The following KDM3A variants were observed in gnomAD, a reference collection of about 807,000 sequenced individuals.
KDM3A encodes the protein lysine-specific demethylase 3A.
In KDM3A, 60 loss-of-function variants were observed where a neutral mutation model predicts 158.0. The observed-to-expected ratio is 0.38, with a 90% CI of 0.31 to 0.47. KDM3A has a LOEUF of 0.47. KDM3A is among the 20% of genes least tolerant of loss of function. KDM3A has a pLI of 0.99. For missense variants in KDM3A, 1,319 were observed against 1,574.3 expected (o/e 0.84, Z 2.74); for synonymous variants, 608 against 549.3 (o/e 1.11, Z -1.49).
At chr2:86,444,291 A>C (rs963427348) in intron 2 of KDM3A, among the ~76,000 whole-genome samples, 1 of 152,192 alleles carries the variant, frequency 6.6e-6, no homozygotes, top group Admixed American at 6.5e-5. Context: ...GCCTAACCTG[A>C]AGACAACTGG....
Position 86,482,113 on chromosome 2 carries a change from G to GT in KDM3A, c.2685+14dup, listed in dbSNP as rs746719382. The GT allele has an allele frequency of 6.2e-7, 1 of 1,612,362 alleles. No homozygotes were observed. Among genetic ancestry groups the GT allele is most frequent in the Non-Finnish European group, 8.5e-7 (1 of 1,178,594 alleles). On this transcript the variant is annotated intron_variant, in intron 17 of 25. Transcript: ENST00000312912. ...TCTTCTACAGGAAAGGTATGTGTTT[G>GT]TTTGTTGGTATTCCATGTTTTAAAG... is the stretch of plus-strand genomic sequence containing the variant.
intron 8 of KDM3A, among the ~76,000 whole-genome samples, chr2:86,458,346 G>A (rs538788794): frequency 6.6e-6 from 1 of 152,342 alleles, no homozygotes; most frequent in African/African-American, 2.4e-5. Context: ...GTCCTCCTTT[G>A]AAGGGTATAG....
In KDM3A at chr2:86,464,216, G is replaced by C. The variant is rs1177699155; in HGVS notation, c.1007G>C (p.Gly336Ala). Residue 336 changes from glycine (G) to alanine (A), a missense_variant and splice_region_variant, in exon 9 of 26, where the codon GGA becomes GCA. This residue lies in a region of KDM3A where 652 missense variants were observed against 627.2 expected (regional missense o/e 1.04). Coordinates refer to ENST00000312912, the MANE Select transcript of KDM3A (RefSeq NM_018433.6). ...AACCTTGGAGCAAAAATTCCTCAAG[G>C]GTGAGTAGTGATTTGTTAAAGATGT... ...PPNLGAKIPQ[G>A]CHKQSLPEEI... The C allele has an allele frequency of 6.3e-7, 1 of 1,575,124 alleles. No individual in the cohort carries two copies. Among genetic ancestry groups the C allele is most frequent in the East Asian group, 2.3e-5 (1 of 44,048 alleles).
chr2:86,480,006 T>C, intron 15 of KDM3A, 161 bp from the exon 16 acceptor site: 1 of 618,850 alleles, frequency 1.6e-6, no homozygotes, highest in East Asian at 2.7e-5. Context: ...TCTCTACTAG[T>C]GCGGGATTAC....
rs1673991845 is a variant in KDM3A, at chr2:86,482,620, C to T, written c.2848C>T (p.Arg950Cys). Residue 950 changes from arginine (R) to cysteine (C), a missense_variant, in exon 18 of 26, where the codon CGC (arginine) becomes TGC (cysteine). Transcript: ENST00000312912. ...TCCTCACTATTGGCTTTGTGATAAT[C>T]GCTTGCTGTGCTTGCAAGACCCCAA... is the stretch of plus-strand genomic sequence containing the variant. ...DTPHYWLCDN[R>C]LLCLQDPNNK... 1.9e-6 allele frequency: 3 copies of T among 1,614,054 alleles called. No homozygotes were observed. Among genetic ancestry groups the T allele is most frequent in the African/African-American group, 1.3e-5 (1 of 75,004 alleles).
intron 1 of KDM3A, 68 bp from the exon 2 acceptor site, chr2:86,441,950 C>T (rs1210260575): frequency 5.2e-6 from 7 of 1,349,262 alleles, no homozygotes; most frequent in Middle Eastern, 5.2e-4. Flanking sequence ...GCCCGCCCTC[C>T]CTGCTGTCTC....
chr2:86,450,086 C>A (rs774815740), intron 3 of KDM3A, 124 bp downstream of exon 3: 2 of 1,011,012 alleles, frequency 2.0e-6, no homozygotes, highest in Non-Finnish European at 2.9e-6. Context: ...CCTGCCAGCC[C>A]TTTTAAGAAC....
At chr2:86,438,408 A>C (rs1682526935), upstream of KDM3A, among the ~76,000 whole-genome samples, 1 of 152,100 alleles carries the variant, frequency 6.6e-6, no homozygotes, top group African/African-American at 2.4e-5. Context: ...AGGAGGAATA[A>C]GTTCAAATGA....
In KDM3A at chr2:86,451,208, A is replaced by G. The variant is rs895391110; in HGVS notation, c.448A>G (p.Ile150Val). The change falls in exon 4 of 26, where the codon ATA becomes GTA. Residue 150 changes from isoleucine (I) to valine (V), a missense_variant. Physicochemically the swap from Ile to Val is conservative, Grantham distance 29. Transcript: ENST00000312912. ...VFLSKDLLKP[I>V]QDVNSLRLSL... ...TCTTTCTAAAGACCTTTTGAAGCCT[A>G]TACAGGTAAAACATAGAAACAGTAG... is the stretch of plus-strand genomic sequence containing the variant. 15 of 1,578,152 alleles carry G rather than the reference A, an allele frequency of 9.5e-6. No homozygotes were observed. Among genetic ancestry groups the G allele is most frequent in the Admixed American group, 7.4e-5 (4 of 54,410 alleles).
At chr2:86,449,770 A>T in intron 2 of KDM3A, 37 bp from the exon 3 acceptor site, 1 of 1,567,246 alleles carries the variant, frequency 6.4e-7, no homozygotes. Flanking sequence ...TAATAAATTG[A>T]ATCTGCTTCC....
intron 2 of KDM3A, among the ~76,000 whole-genome samples, chr2:86,445,018 A>G (rs764350799): frequency 6.6e-6 from 1 of 152,226 alleles, no homozygotes; most frequent in African/African-American, 2.4e-5. Context: ...AATCCTCACA[A>G]ATATCCTAGA....
At chr2:86,469,768 T>A (rs1330562858) in intron 10 of KDM3A, among the ~76,000 whole-genome samples, 1 of 152,218 alleles carries the variant, frequency 6.6e-6, no homozygotes, top group African/African-American at 2.4e-5. Flanking sequence ...ATTGTACTTT[T>A]AAAAACACAC....
Position 86,461,034 on chromosome 2 carries a change from G to A in KDM3A, c.844-3019G>A, listed in dbSNP as rs530210709. Among the ~76,000 whole-genome samples, 930 of 151,972 alleles carry A rather than the reference G, an allele frequency of 6.1e-3. 6 individuals carry two copies. The highest frequency in any genetic ancestry group is 0.011 in the Non-Finnish European group (736 of 67,982). ...CGGTGACAGAATTGAGAAAATTTTC[G>A]CAATGTTTTTCTGCTTTAAGACAGC... On this transcript the variant is annotated intron_variant, in intron 8 of 25. Coordinates refer to ENST00000312912, the MANE Select transcript of KDM3A (RefSeq NM_018433.6).
At chr2:86,482,248 GT>G (rs1422270422) in intron 17 of KDM3A, 146 bp downstream of exon 17, 1 of 1,168,940 alleles carries the variant, frequency 8.6e-7, no homozygotes, top group Non-Finnish European at 1.2e-6. Flanking sequence ...TGGAGGATGG[GT>G]TTTATGGGAC....
In KDM3A at chr2:86,466,386, G is replaced by C; in HGVS notation, c.1022G>C (p.Ser341Thr). ...AKIPQGCHKQSLPEEISSCLN... is the reference protein window; with the variant it reads ...AKIPQGCHKQTLPEEISSCLN... ...ATATTTTTCAGATGTCATAAACAAAGTTTACCAGAGGAAATTTCTTCCTGT... is the reference window on the plus strand; with the variant it reads ...ATATTTTTCAGATGTCATAAACAAACTTTACCAGAGGAAATTTCTTCCTGT... Residue 341 changes from serine to threonine, a missense_variant, in exon 10 of 26, where the codon AGT (serine) becomes ACT (threonine). Around this residue, in one of 4 missense-constraint regions of KDM3A, gnomAD observed 652 missense variants for 627.2 expected, o/e 1.04. Transcript: ENST00000312912. 6.2e-7 allele frequency: 1 copy of C among 1,610,280 alleles called. No individual in the cohort carries two copies. The highest frequency in any genetic ancestry group is 1.1e-5 in the South Asian group (1 of 90,680).
chr2:86,484,038 C>G lies in KDM3A; in HGVS notation c.2974C>G (p.Pro992Ala). Residue 992 changes from proline (P) to alanine (A), a missense_variant, in exon 19 of 26, where the codon CCT becomes GCT. By Grantham distance (27) the Pro-to-Ala change is conservative. This residue lies in a region of KDM3A where 368 missense variants were observed against 415.8 expected (regional missense o/e 0.89). Coordinates refer to ENST00000312912, the MANE Select transcript of KDM3A (RefSeq NM_018433.6). ...TAAATTGAACTCTGAACTTTGGAAACCTGAATCCTTCAGGAAAGAGTTTGG... is the reference window on the plus strand; with the variant it reads ...TAAATTGAACTCTGAACTTTGGAAAGCTGAATCCTTCAGGAAAGAGTTTGG... ...HHKLNSELWK[P>A]ESFRKEFGEQ... 1 of 1,613,986 alleles carries G rather than the reference C, an allele frequency of 6.2e-7. No individual in the cohort carries two copies. The highest frequency in any genetic ancestry group is 1.1e-5 in the South Asian group (1 of 91,080).
intron 23 of KDM3A, chr2:86,490,156 T>G (rs1324086199): frequency 6.5e-6 from 1 of 152,724 alleles, no homozygotes; most frequent in Non-Finnish European, 1.5e-5. Flanking sequence ...TTGGCAGGTT[T>G]TTTTTTCAGC....
rs150514193 is a variant in KDM3A at position 86,442,671 on chromosome 2, C to CT, written c.186+441dup. 308 of 155,026 alleles carry CT rather than the reference C, an allele frequency of 2.0e-3. 1 individual carries two copies. Among genetic ancestry groups the CT allele is most frequent in the African/African-American group, 7.0e-3 (290 of 41,568 alleles). 9.6% of individuals were successfully genotyped at this position (155,026 alleles called of 1,614,324 possible). ...TTTATTCACTCAACTTTTAAAAAAACTTTCAGACTTGTTAAAAATGAAGTG... is the reference window on the plus strand; with the variant it reads ...TTTATTCACTCAACTTTTAAAAAAACTTTTCAGACTTGTTAAAAATGAAGTG... On this transcript the variant is annotated intron_variant, in intron 2 of 25. Coordinates refer to ENST00000312912, the MANE Select transcript of KDM3A (RefSeq NM_018433.6).
chr2:86,458,807 G>C (rs1183305547), intron 8 of KDM3A, among the ~76,000 whole-genome samples: 13 of 152,170 alleles, frequency 8.5e-5, no homozygotes, highest in Non-Finnish European at 4.4e-5. Flanking sequence ...CAGATGAAGA[G>C]GGGGTGTCTG....
Sources: allele counts gnomAD v4.1 joint callset (sites outside exome capture counted in the v4.1 genomes callset), GRCh38; gene constraint gnomAD v4.1.1; regional missense constraint gnomAD v4.1.1; transcripts MANE v1.5; gene names NCBI Gene and HGNC (gene_info 2026-07-23, HGNC 2026-07-21).